ERCC3: variants seen among roughly 807,000 people sequenced by gnomAD.
The protein encoded by ERCC3 is ERCC excision repair 3, TFIIH core complex helicase subunit, also known as general transcription and DNA repair factor IIH helicase/translocase subunit XPB.
In ERCC3, 66 loss-of-function variants were observed where a neutral mutation model predicts 94.2. That is an observed-to-expected ratio of 0.70 (90% CI 0.57 to 0.86). ERCC3 has a LOEUF of 0.86. Ranked by LOEUF, ERCC3 falls within the 40% of genes least tolerant of loss-of-function variation. The pLI, the probability that ERCC3 is intolerant of heterozygous loss-of-function variation, is 0.00. For synonymous variants in ERCC3, 349 were observed against 369.1 expected, an observed-to-expected ratio of 0.95 and a Z score of 0.63; for missense variants, 829 against 987.1, an observed-to-expected ratio of 0.84 and a Z score of 2.15.
chr2:127,261,319 A>G lies in ERCC3; in HGVS notation c.1973T>C (p.Phe658Ser). 1 of 1,610,826 alleles carries G rather than the reference A, an allele frequency of 6.2e-7. No homozygotes were observed. Residue 658 changes from phenylalanine (F) to serine (S), a missense_variant, in exon 13 of 15, where the codon TTT becomes TCT. Physicochemically the swap from Phe to Ser is radical, Grantham distance 155. Coordinates refer to ENST00000285398, the MANE Select transcript of ERCC3 (RefSeq NM_000122.2). Reference protein sequence around the residue: ...KGMVAEEYNAFFYSLVSQDTQ... With the variant: ...KGMVAEEYNASFYSLVSQDTQ... The stretch of plus-strand genomic sequence containing the variant: ...GTCCTGGGATACCAGTGAGTAGAAA[A>G]AGGCATTGTACTCTTCTGCAACCAT...
chr2:127,284,832 C>T lies in ERCC3; in HGVS notation c.1342+1871G>A, dbSNP rs1209859431. 3.4e-4 allele frequency among the ~76,000 whole-genome samples: 51 copies of T among 152,180 alleles called. No individual in the cohort carries two copies. The highest frequency in any genetic ancestry group is 2.1e-4 in the South Asian group (1 of 4,822). On this transcript the variant is annotated intron_variant, in intron 8 of 14. Coordinates refer to ENST00000285398, the MANE Select transcript of ERCC3 (RefSeq NM_000122.2). The surrounding 1 kb of genome is among the most constrained non-coding windows in gnomAD (Gnocchi z 4.1). The stretch of plus-strand genomic sequence containing the variant: ...CTCAGCAGCTGAGACCACAGGTGCA[C>T]ACCACCACACTTGGCTAATTAAAAA...
Position 127,280,742 on chromosome 2 carries a change from G to A in ERCC3, c.1343-111C>T. On this transcript the variant is annotated intron_variant, in intron 8 of 14. Transcript: ENST00000285398. The surrounding 1 kb of genome is among the most constrained non-coding windows in gnomAD (Gnocchi z 6.3). Reference sequence around the variant, plus strand: ...GGGTCTCATTATATTGCCCAGGCTGGTCTTGAACTCCTGGCCTCAAGCAAT... The same window carrying A: ...GGGTCTCATTATATTGCCCAGGCTGATCTTGAACTCCTGGCCTCAAGCAAT... The A allele has an allele frequency of 9.7e-7, 1 of 1,027,636 alleles. No individual in the cohort carries two copies. The highest frequency in any genetic ancestry group is 1.5e-6 in the Non-Finnish European group (1 of 684,802). 63.7% of individuals were successfully genotyped at this position (1,027,636 alleles called of 1,614,324 possible). A position where few individuals can be genotyped will look rare whatever the true frequency, so the allele number is the denominator to read the frequency against.
Position 127,258,957 on chromosome 2 carries a change from G to A in ERCC3, c.2217+339C>T, listed in dbSNP as rs771790746. Among the ~76,000 whole-genome samples, 1 of 152,126 alleles carries A rather than the reference G, an allele frequency of 6.6e-6. No homozygotes were observed. Among genetic ancestry groups the A allele is most frequent in the Non-Finnish European group, 1.5e-5 (1 of 68,028 alleles). On this transcript the variant is annotated intron_variant, in intron 14 of 14. Coordinates refer to ENST00000285398, the MANE Select transcript of ERCC3 (RefSeq NM_000122.2). This position sits in a 1 kb window ranked among gnomAD's most constrained non-coding sequence, Gnocchi z 4.1. ...TGGCAGCCCTGTGTGTGGGAACTAC[G>A]TACCCCCAGCCCATCATGCTCCCTC...
intron 3 of ERCC3, chr2:127,290,690 G>T (rs981209585): frequency 3.4e-6 from 1 of 296,224 alleles, no homozygotes; most frequent in South Asian, 3.2e-5. Context: ...CAAATAGAAT[G>T]TAAGCATCTT....
intron 7 of ERCC3, among the ~76,000 whole-genome samples, chr2:127,288,316 T>C (rs1347710305): frequency 6.6e-6 from 1 of 152,234 alleles, no homozygotes; most frequent in Non-Finnish European, 1.5e-5. Flanking sequence ...AACAGCCCCT[T>C]GCCATCATTA....
In ERCC3 at chr2:127,279,402, A is replaced by G. The variant is rs373718525; in HGVS notation, c.1528-27T>C. 21 of 1,542,888 alleles carry G rather than the reference A, an allele frequency of 1.4e-5. No homozygotes were observed. The African/African-American group carries it at 1.8e-4, about 13-fold the overall frequency. On this transcript the variant is annotated intron_variant, in intron 9 of 14. Transcript: ENST00000285398. The surrounding 1 kb of genome is among the most constrained non-coding windows in gnomAD (Gnocchi z 4.7). ...TGTAATACAGTAAGAACCAGGGGTC[A>G]TTTTACAAGTTTAAACACCACACAA...
intron 13 of ERCC3, chr2:127,260,012 C>G (rs892162692): frequency 4.2e-5 from 7 of 166,318 alleles, no homozygotes; most frequent in Middle Eastern, 2.9e-3. Context: ...ACTACAAGGG[C>G]TCCCTATCCC....
chr2:127,276,028 G>A (rs573615680), intron 10 of ERCC3, among the ~76,000 whole-genome samples: 7 of 152,292 alleles, frequency 4.6e-5, no homozygotes, highest in Middle Eastern at 3.4e-3. Context: ...GGGTCCGGCC[G>A]GCAGCAGGCA....
chr2:127,271,648 C>G lies in ERCC3; in HGVS notation c.1828-195G>C, dbSNP rs1048131770. ...AAAGGCATCTCTGGGTCTCCAGGAC[C>G]TTGTGTGAGTTCTGCTAAGAGTCAT... On this transcript the variant is annotated intron_variant, in intron 11 of 14. Coordinates refer to ENST00000285398, the MANE Select transcript of ERCC3 (RefSeq NM_000122.2). This position sits in a 1 kb window ranked among gnomAD's most constrained non-coding sequence, Gnocchi z 5.0. 6.6e-6 allele frequency among the ~76,000 whole-genome samples: 1 copy of G among 152,142 alleles called. No homozygotes were observed. Among genetic ancestry groups the G allele is most frequent in the Admixed American group, 6.5e-5 (1 of 15,276 alleles).
In ERCC3 at chr2:127,271,462, A is replaced by T. The variant is rs1315099860; in HGVS notation, c.1828-9T>A. The T allele has an allele frequency of 2.0e-5, 32 of 1,591,684 alleles. No homozygotes were observed. The highest frequency in any genetic ancestry group is 2.7e-5 in the Non-Finnish European group (31 of 1,160,118). On this transcript the variant is annotated splice_polypyrimidine_tract_variant and intron_variant, in intron 11 of 14. Transcript: ENST00000285398. The surrounding 1 kb of genome is among the most constrained non-coding windows in gnomAD (Gnocchi z 5.0). ...AACGAAGTGTCACCTACCTACAGAAACAAGTTGGAAGGTTTTTATATATGA... is the reference window on the plus strand; with the variant it reads ...AACGAAGTGTCACCTACCTACAGAATCAAGTTGGAAGGTTTTTATATATGA...
At chr2:127,265,766 T>C (rs116173897) in intron 12 of ERCC3, among the ~76,000 whole-genome samples, 1,652 of 152,260 alleles carry the variant, frequency 0.011, 32 homozygotes, top group African/African-American at 0.037. Flanking sequence ...ATCCTTTGTA[T>C]TGTTTTTGAG....
intron 12 of ERCC3, chr2:127,261,924 C>T (rs2104733003): frequency 6.0e-6 from 1 of 166,098 alleles, no homozygotes; most frequent in South Asian, 1.5e-4. Flanking sequence ...TCTGGCAGTT[C>T]ATCAAAATGT....
chr2:127,279,086 CA>C lies in ERCC3; in HGVS notation c.1730+86del. ...GCCCAAGAAGTTCCTGAGAGAAAAA[CA>C]AAAAAACAAAACAACAGCCACCTTC... On this transcript the variant is annotated intron_variant, in intron 10 of 14. Transcript: ENST00000285398. This position sits in a 1 kb window ranked among gnomAD's most constrained non-coding sequence, Gnocchi z 4.7. 1 of 928,622 alleles carries C rather than the reference CA, an allele frequency of 1.1e-6. No homozygotes were observed. Among genetic ancestry groups the C allele is most frequent in the Non-Finnish European group, 1.7e-6 (1 of 580,884 alleles). 57.5% of individuals were successfully genotyped at this position (928,622 alleles called of 1,614,324 possible).
At position 127,280,662 on chromosome 2, in the gene ERCC3, C is replaced by T. The variant is rs753853469; in HGVS notation, c.1343-31G>A. 1.9e-6 allele frequency: 3 copies of T among 1,570,970 alleles called. No homozygotes were observed. Among genetic ancestry groups the T allele is most frequent in the Non-Finnish European group, 2.6e-6 (3 of 1,142,360 alleles). ...GAAACAATGGGAGCATTCACACTGT[C>T]ACTTTTCTTTCTTATTTTTTATTTA... On this transcript the variant is annotated intron_variant, in intron 8 of 14. Coordinates refer to ENST00000285398, the MANE Select transcript of ERCC3 (RefSeq NM_000122.2). This position sits in a 1 kb window ranked among gnomAD's most constrained non-coding sequence, Gnocchi z 6.3.
Position 127,266,333 on chromosome 2 carries a change from CTTT to C in ERCC3, c.1946-4990_1946-4988del, listed in dbSNP as rs58029182. 1.2e-3 allele frequency among the ~76,000 whole-genome samples: 135 copies of C among 111,346 alleles called. 1 individual carries two copies. Among genetic ancestry groups the C allele is most frequent in the African/African-American group, 4.8e-3 (121 of 25,016 alleles). 73.0% of individuals were successfully genotyped at this position (111,346 alleles called of 152,430 possible). ...TTCGACTTTTTTGAATTTATTGAGT[CTTT>C]TTTTTTTTTTTTTTTTTTTGAGAGA... is the stretch of plus-strand genomic sequence containing the variant. On this transcript the variant is annotated intron_variant, in intron 12 of 14. Transcript: ENST00000285398.
chr2:127,290,478 G>T, intron 3 of ERCC3: 1 of 639,210 alleles, frequency 1.6e-6, no homozygotes. Flanking sequence ...TCTTCCTCTT[G>T]CCTGGGTAAT....
intron 4 of ERCC3, 162 bp downstream of exon 4, chr2:127,290,062 G>A (rs1459838384): frequency 2.6e-6 from 2 of 782,382 alleles, no homozygotes; most frequent in Non-Finnish European, 4.4e-6. Context: ...AGTGGCCAGT[G>A]GATGAGTTTC....
At chr2:127,262,252 A>G (rs1291519174) in intron 12 of ERCC3, 1 of 152,246 alleles carries the variant, frequency 6.6e-6, no homozygotes, top group Admixed American at 6.5e-5. Flanking sequence ...GCCCTTTGGG[A>G]GGCTGAGGTG....
Position 127,293,594 on chromosome 2 carries a change from G to A in ERCC3, c.153C>T (p.Thr51=). Residue 51 remains threonine, a synonymous_variant, in exon 2 of 15, where the codon ACC becomes ACT. Transcript: ENST00000285398. ...CCTTGGCTCCATATTCATCCACTTT[G>A]GTGCCTGACTCATCCACCTGCTTCC... ...AAGKQVDESG[T]KVDEYGAKDY... 2 of 1,614,178 alleles carry A rather than the reference G, an allele frequency of 1.2e-6. No homozygotes were observed. The highest frequency in any genetic ancestry group is 1.7e-6 in the Non-Finnish European group (2 of 1,180,020).
Sources: gnomAD v4.1 joint callset for allele counts (sites outside exome capture counted in the v4.1 genomes callset) on GRCh38, gnomAD v4.1.1 for gene constraint, Gnocchi (gnomAD v3.1) non-coding constraint, MANE v1.5 for transcripts, NCBI Gene and HGNC (gene_info 2026-07-23, HGNC 2026-07-21) for gene names.